MRPL3: variants seen among roughly 807,000 people sequenced by gnomAD.
The protein encoded by MRPL3 is large ribosomal subunit protein uL3m.
In MRPL3, 43 loss-of-function variants were observed where a neutral mutation model predicts 44.3. The observed-to-expected ratio is 0.97, with a 90% CI of 0.76 to 1.25. MRPL3 has a LOEUF of 1.25. MRPL3 is among the 50% of genes most tolerant of loss of function. MRPL3 has a pLI of 0.00. For missense variants in MRPL3, 406 were observed against 427.6 expected (o/e 0.95, Z 0.45); for synonymous variants, 171 against 152.3 (o/e 1.12, Z -0.91).
intron 4 of MRPL3, chr3:131,497,949 A>T (rs1192992942): frequency 1.9e-6 from 1 of 535,548 alleles, no homozygotes; most frequent in African/African-American, 1.9e-5. Context: ...ACTACAGCTT[A>T]GAGAGGTAAA....
At chr3:131,478,360 T>C (rs796259061) in intron 6 of MRPL3, among the ~76,000 whole-genome samples, 20 of 152,290 alleles carry the variant, frequency 1.3e-4, no homozygotes, top group African/African-American at 4.1e-4. Flanking sequence ...CTTCAAGTTA[T>C]CCTACCACAG....
chr3:131,486,262 T>C (rs975367065), intron 6 of MRPL3, among the ~76,000 whole-genome samples: 5 of 146,932 alleles, frequency 3.4e-5, no homozygotes, highest in East Asian at 2.0e-4. Context: ...ATTCAGGACA[T>C]AGGCATGGGC....
intron 6 of MRPL3, among the ~76,000 whole-genome samples, chr3:131,472,414 T>C (rs1000598148): frequency 6.6e-6 from 1 of 152,170 alleles, no homozygotes; most frequent in African/African-American, 2.4e-5. Context: ...TTATTAAAGT[T>C]TGTTTCTGAA....
In MRPL3 at chr3:131,486,364, C is replaced by CAA. The variant is rs36151946; in HGVS notation, c.629+1314_629+1315dup. On this transcript the variant is annotated intron_variant, in intron 6 of 9. Coordinates refer to ENST00000264995, the MANE Select transcript of MRPL3 (RefSeq NM_007208.4). ...ATTAAACCAAAGAGCTTCTGCACGG[C>CAA]AAAAAAAAAAAAAAAAAAAAAAAAA... Among the ~76,000 whole-genome samples the CAA allele has an allele frequency of 7.5e-4, 35 of 46,698 alleles. 1 individual carries two copies. Among genetic ancestry groups the CAA allele is most frequent in the East Asian group, 3.2e-3 (3 of 952 alleles). 30.6% of individuals were successfully genotyped at this position (46,698 alleles called of 152,430 possible). A position where few individuals can be genotyped will look rare whatever the true frequency, so the allele number is the denominator to read the frequency against.
At chr3:131,475,441 C>T (rs1406135909) in intron 6 of MRPL3, among the ~76,000 whole-genome samples, 1 of 152,142 alleles carries the variant, frequency 6.6e-6, no homozygotes, top group African/African-American at 2.4e-5. Context: ...GGGAGGGCTG[C>T]TTGAGGTCAG....
chr3:131,468,347 G>A (rs1933668122), intron 8 of MRPL3, among the ~76,000 whole-genome samples, 179 bp from the exon 9 acceptor site: 1 of 152,110 alleles, frequency 6.6e-6, no homozygotes, highest in African/African-American at 2.4e-5. Context: ...GAAGACCATA[G>A]CAAATATATC....
In MRPL3 at chr3:131,471,268, C is replaced by G. The variant is rs1471093501; in HGVS notation, c.641G>C (p.Gly214Ala). The change falls in exon 7 of 10, where the codon GGT becomes GCT. Residue 214 changes from glycine (G) to alanine (A), a missense_variant. Coordinates refer to ENST00000264995, the MANE Select transcript of MRPL3 (RefSeq NM_007208.4). ...VDVTAKTIGK[G>A]FQGVMKRWGF... The stretch of plus-strand genomic sequence containing the variant: ...CCATCTTTTCATGACACCTTGAAAA[C>G]CTTTACCAATACTGAACAAAACAAA... The G allele has an allele frequency of 6.2e-7, 1 of 1,611,796 alleles. No individual in the cohort carries two copies. The highest frequency in any genetic ancestry group is 8.5e-7 in the Non-Finnish European group (1 of 1,178,060).
chr3:131,489,175 T>C (rs1934193330), intron 5 of MRPL3, among the ~76,000 whole-genome samples: 1 of 152,146 alleles, frequency 6.6e-6, no homozygotes, highest in Admixed American at 6.5e-5. Flanking sequence ...TTAAAGTATT[T>C]CCATTATAAA....
At chr3:131,473,090 C>A (rs1460135045) in intron 6 of MRPL3, among the ~76,000 whole-genome samples, 2 of 152,094 alleles carry the variant, frequency 1.3e-5, no homozygotes, top group South Asian at 2.1e-4. Flanking sequence ...CCACAAAAGA[C>A]ACTGAATAGC....
intron 4 of MRPL3, among the ~76,000 whole-genome samples, chr3:131,496,577 T>A (rs1215216008): frequency 6.6e-6 from 1 of 152,088 alleles, no homozygotes; most frequent in Non-Finnish European, 1.5e-5. Context: ...CTCCAAAGCT[T>A]CCCTTTTCCT....
intron 6 of MRPL3, among the ~76,000 whole-genome samples, chr3:131,480,757 GTTC>G (rs1285989745): frequency 6.6e-6 from 1 of 152,146 alleles, no homozygotes; most frequent in African/African-American, 2.4e-5. Context: ...GCCACATAAT[GTTC>G]TTCAATAGAT....
intron 6 of MRPL3, chr3:131,479,201 G>A (rs753470158): frequency 2.1e-5 from 11 of 518,916 alleles, no homozygotes; most frequent in Non-Finnish European, 4.2e-5. Flanking sequence ...GCCTGGACAT[G>A]AGCACAGTCA....
intron 6 of MRPL3, among the ~76,000 whole-genome samples, chr3:131,478,042 T>C (rs563787592): frequency 2.6e-4 from 39 of 152,352 alleles, no homozygotes; most frequent in African/African-American, 8.9e-4. Flanking sequence ...TTTATTGGGA[T>C]AGAGTCATGC....
intron 5 of MRPL3, among the ~76,000 whole-genome samples, chr3:131,488,343 C>T (rs1582714527): frequency 2.6e-5 from 4 of 152,028 alleles, no homozygotes; most frequent in East Asian, 3.9e-4. Context: ...TATATAGAAA[C>T]GTTTACAAAA....
At chr3:131,498,400 C>CT in intron 3 of MRPL3, 123 bp from the exon 4 acceptor site, 1 of 575,496 alleles carries the variant, frequency 1.7e-6, no homozygotes, top group Non-Finnish European at 3.0e-6. Flanking sequence ...CATCTTTCCT[C>CT]TAACACCAAC....
intron 2 of MRPL3, among the ~76,000 whole-genome samples, 177 bp from the exon 3 acceptor site, chr3:131,500,698 T>C (rs954468300): frequency 1.3e-5 from 2 of 152,208 alleles, no homozygotes; most frequent in Non-Finnish European, 2.9e-5. Context: ...CCTTCAACCA[T>C]GCCTGGCATG....
chr3:131,498,823 G>A (rs1474281275), intron 3 of MRPL3, among the ~76,000 whole-genome samples: 10 of 151,818 alleles, frequency 6.6e-5, no homozygotes, highest in African/African-American at 1.2e-4. Flanking sequence ...CCAAAAGCCC[G>A]TGTGTGTCTC....
At chr3:131,466,213 G>GA (rs759364645) in intron 9 of MRPL3, among the ~76,000 whole-genome samples, 6 of 151,100 alleles carry the variant, frequency 4.0e-5, no homozygotes, top group African/African-American at 1.2e-4. Flanking sequence ...ACCTAGAAAT[G>GA]AAAAAAAATA....
chr3:131,477,064 T>C (rs1171520509), intron 6 of MRPL3, among the ~76,000 whole-genome samples: 1 of 152,210 alleles, frequency 6.6e-6, no homozygotes, highest in Non-Finnish European at 1.5e-5. Flanking sequence ...ACTATGAGAA[T>C]TGTATTCCCT....
Sources: allele counts gnomAD v4.1 joint callset (sites outside exome capture counted in the v4.1 genomes callset), GRCh38; gene constraint gnomAD v4.1.1; transcripts MANE v1.5; gene names NCBI Gene and HGNC (gene_info 2026-07-23, HGNC 2026-07-21).